The following EML1 variants were observed in gnomAD, a reference collection of about 807,000 sequenced individuals.
EML1 encodes EMAP like 1, also known as echinoderm microtubule-associated protein-like 1.
In EML1, 27 loss-of-function variants were observed where a neutral mutation model predicts 110.4. The ratio of observed to expected loss-of-function variants is 0.24; its 90% CI spans 0.18 to 0.34. EML1 has a LOEUF of 0.34. Among genes scored for constraint, EML1 ranks in the 10% least tolerant of loss-of-function variants. EML1 has a pLI of 1.00. For missense variants in EML1, 741 were observed against 1,030.9 expected (o/e 0.72, Z 3.85); for synonymous variants, 344 against 385.8 (o/e 0.89, Z 1.27).
In EML1 at chr14:99,939,028, C is replaced by T. The variant is rs763678992; in HGVS notation, c.2192-169C>T. On this transcript the variant is annotated intron_variant, in intron 20 of 21. Coordinates refer to ENST00000262233, the MANE Select transcript of EML1 (RefSeq NM_004434.3). The surrounding 1 kb of genome is among the most constrained non-coding windows in gnomAD (Gnocchi z 4.2). Reference sequence around the variant, plus strand: ...CTGGCCTGAGTGAGAGGAGACTGGGCGCACAGCGAGAGGCCAGGAACTGAG... The same window carrying T: ...CTGGCCTGAGTGAGAGGAGACTGGGTGCACAGCGAGAGGCCAGGAACTGAG... Among the ~76,000 whole-genome samples, 2 of 152,202 alleles carry T rather than the reference C, an allele frequency of 1.3e-5. No homozygotes were observed. Among genetic ancestry groups the T allele is most frequent in the African/African-American group, 4.8e-5 (2 of 41,452 alleles).
At chr14:99,841,464 A>G (rs2058632221) in intron 1 of EML1, among the ~76,000 whole-genome samples, 1 of 152,300 alleles carries the variant, frequency 6.6e-6, no homozygotes. Context: ...ATTAGGTCAC[A>G]TAGCTAATAG....
chr14:99,759,341 G>A (rs983610789), intron 1 of EML1, among the ~76,000 whole-genome samples: 12 of 152,208 alleles, frequency 7.9e-5, no homozygotes, highest in African/African-American at 1.9e-4. Context: ...TGCATGGCCC[G>A]CTTGGCTTAA....
At chr14:99,859,944 A>C (rs867607881) in intron 2 of EML1, among the ~76,000 whole-genome samples, 1 of 152,196 alleles carries the variant, frequency 6.6e-6, no homozygotes, top group African/African-American at 2.4e-5. Flanking sequence ...CGGGCACTGT[A>C]CTAGAAACTT....
At chr14:99,809,522 C>G (rs1167601190) in intron 1 of EML1, 1 of 401,846 alleles carries the variant, frequency 2.5e-6, no homozygotes, top group Non-Finnish European at 5.0e-6. Flanking sequence ...GCGCCCTGGT[C>G]GGCACCCTGG....
intron 17 of EML1, among the ~76,000 whole-genome samples, chr14:99,933,301 G>A (rs566889588): frequency 1.3e-5 from 2 of 152,062 alleles, no homozygotes; most frequent in African/African-American, 2.4e-5. Context: ...TTACCCTCCC[G>A]AGTAGCTGGG....
chr14:99,907,975 A>G (rs977024667), intron 10 of EML1, among the ~76,000 whole-genome samples: 2 of 152,132 alleles, frequency 1.3e-5, no homozygotes, highest in African/African-American at 4.8e-5. Context: ...TTTCATAGCC[A>G]CTACCCTTTT....
At chr14:99,803,391 A>T (rs1414235232) in intron 1 of EML1, among the ~76,000 whole-genome samples, 1 of 152,368 alleles carries the variant, frequency 6.6e-6, no homozygotes, top group South Asian at 2.1e-4. Context: ...ATCTACGTGC[A>T]TTATACACAC....
chr14:99,933,269 G>A (rs1428873941), intron 17 of EML1, among the ~76,000 whole-genome samples: 2 of 152,166 alleles, frequency 1.3e-5, no homozygotes, highest in Admixed American at 6.5e-5. Context: ...TCTGCCTCCC[G>A]AGTTCAAGTG....
At chr14:99,858,163 T>C (rs1362717774) in intron 2 of EML1, among the ~76,000 whole-genome samples, 1 of 151,858 alleles carries the variant, frequency 6.6e-6, no homozygotes, top group Non-Finnish European at 1.5e-5. Flanking sequence ...TCCTTTGCAG[T>C]GTCTAGAGCT....
chr14:99,813,367 T>C (rs1317054405), intron 1 of EML1, among the ~76,000 whole-genome samples: 1 of 152,166 alleles, frequency 6.6e-6, no homozygotes, highest in African/African-American at 2.4e-5. Context: ...TTGTAGAAAA[T>C]ATCATTTGGT....
chr14:99,768,099 T>C (rs146442899), upstream of EML1, among the ~76,000 whole-genome samples: 16 of 152,276 alleles, frequency 1.1e-4, no homozygotes, highest in East Asian at 2.9e-3. Context: ...GACTTCCCAG[T>C]GGCTTCTCCC....
intron 4 of EML1, chr14:99,885,897 G>A (rs2059465316): frequency 2.2e-6 from 1 of 455,722 alleles, no homozygotes; most frequent in South Asian, 1.5e-5. Flanking sequence ...GCTGGTGGAG[G>A]TGAAGCCCCT....
At chr14:99,759,744 G>C (rs2057294118) in intron 1 of EML1, among the ~76,000 whole-genome samples, 2 of 152,192 alleles carry the variant, frequency 1.3e-5, no homozygotes, top group East Asian at 3.9e-4. Flanking sequence ...AGGCTGAGCT[G>C]AGCCTTAACC....
chr14:99,795,786 T>A (rs1005635659), intron 1 of EML1, among the ~76,000 whole-genome samples: 7 of 152,218 alleles, frequency 4.6e-5, no homozygotes, highest in Non-Finnish European at 7.3e-5. Flanking sequence ...ATACATGAAC[T>A]CATACATTTT....
chr14:99,868,897 G>C (rs2059147539), intron 3 of EML1, among the ~76,000 whole-genome samples: 1 of 152,014 alleles, frequency 6.6e-6, no homozygotes, highest in Admixed American at 6.6e-5. Context: ...ATAAAGTTAG[G>C]AGGCTGATGT....
In EML1 at chr14:99,784,477, T is replaced by C. The variant is rs544797942; in HGVS notation, c.-27+10464T>C. ...GATACTTCAAAATATGTAAATTCTT[T>C]TGATGGAGTCCAATCATTAGGAATA... On this transcript the variant is annotated intron_variant, in intron 1 of 22. Coordinates refer to the EML1 transcript ENST00000327921. This position sits in a 1 kb window ranked among gnomAD's most constrained non-coding sequence, Gnocchi z 4.5. Among the ~76,000 whole-genome samples the C allele has an allele frequency of 1.3e-5, 2 of 152,364 alleles. No homozygotes were observed. Among genetic ancestry groups the C allele is most frequent in the Non-Finnish European group, 2.9e-5 (2 of 68,032 alleles).
intron 4 of EML1, among the ~76,000 whole-genome samples, chr14:99,882,922 C>G (rs977435417): frequency 6.6e-6 from 1 of 152,140 alleles, no homozygotes; most frequent in Non-Finnish European, 1.5e-5. Flanking sequence ...CAGACAGCCC[C>G]GTAGTACAGC....
chr14:99,873,196 A>G (rs577577461), intron 3 of EML1, among the ~76,000 whole-genome samples: 9 of 152,346 alleles, frequency 5.9e-5, no homozygotes, highest in African/African-American at 2.2e-4. Flanking sequence ...GAGCATGACA[A>G]TAGGCCAAGC....
intron 1 of EML1, chr14:99,850,408 C>T (rs1224299358): frequency 9.9e-6 from 12 of 1,210,550 alleles, no homozygotes; most frequent in South Asian, 5.1e-5. Context: ...GAGTCTTGAC[C>T]GATGGATAGG....
Sources: gnomAD v4.1 joint callset for allele counts (sites outside exome capture counted in the v4.1 genomes callset) on GRCh38, gnomAD v4.1.1 for gene constraint, Gnocchi (gnomAD v3.1) non-coding constraint, MANE v1.5 for transcripts, NCBI Gene and HGNC (gene_info 2026-07-23, HGNC 2026-07-21) for gene names.